The following CNTN5 variants were observed in gnomAD, a reference collection of about 807,000 sequenced individuals.
The protein encoded by CNTN5 is contactin 5.
In CNTN5, 77 loss-of-function variants were observed where a neutral mutation model predicts 129.1. That is an observed-to-expected ratio of 0.60 (90% CI 0.50 to 0.72). CNTN5 has a LOEUF of 0.72. Among genes scored for constraint, CNTN5 ranks in the 30% least tolerant of loss-of-function variants. The pLI is 0.00. For missense variants in CNTN5, 1,478 were observed against 1,328.8 expected (o/e 1.11, Z -1.75); for synonymous variants, 509 against 465.6 (o/e 1.09, Z -1.20).
At position 99,115,929 on chromosome 11, in the gene CNTN5, T is replaced by A. The variant is rs568280092; in HGVS notation, c.-210+94659T>A. On this transcript the variant is annotated intron_variant, in intron 1 of 24. Transcript: ENST00000524871. ...TAAGGGAAGATTTTAGAATGAAATG[T>A]CATTTAAATAGGCTCATTTGTGAAA... is the stretch of plus-strand genomic sequence containing the variant. 3.3e-5 allele frequency among the ~76,000 whole-genome samples: 5 copies of A among 152,272 alleles called. No homozygotes were observed. In the South Asian group the frequency reaches 1.0e-3, roughly 32 times the overall value.
chr11:100,260,695 C>T (rs1377146933), intron 17 of CNTN5, among the ~76,000 whole-genome samples: 2 of 152,034 alleles, frequency 1.3e-5, no homozygotes, highest in African/African-American at 4.8e-5. Flanking sequence ...TGACAAAAAC[C>T]ACATGATTAT....
chr11:100,358,832 G>C lies in CNTN5; in HGVS notation c.*2612G>C, dbSNP rs1952583083. ...CAGTCAAATAATAGTTCTGTGTACT[G>C]TTCTTGTAACATTAGATCTTTTTAA... On this transcript the variant is annotated 3_prime_UTR_variant, in exon 25 of 25. Coordinates refer to ENST00000524871, the MANE Select transcript of CNTN5 (RefSeq NM_014361.4). The C allele has an allele frequency of 6.6e-6, 1 of 151,826 alleles. No homozygotes were observed. The highest frequency in any genetic ancestry group is 1.5e-5 in the Non-Finnish European group (1 of 67,836). The allele number at this position is 151,826 out of a possible 1,614,324, so 9.4% of individuals were successfully genotyped here.
chr11:99,587,250 T>C (rs1280601640), intron 3 of CNTN5, among the ~76,000 whole-genome samples: 1 of 152,114 alleles, frequency 6.6e-6, no homozygotes. Flanking sequence ...CTGCACAGGA[T>C]CTCCTCATAG....
intron 2 of CNTN5, among the ~76,000 whole-genome samples, chr11:99,336,681 A>T (rs747439652): frequency 6.6e-6 from 1 of 152,060 alleles, no homozygotes; most frequent in Non-Finnish European, 1.5e-5. Context: ...CTCTACTAAA[A>T]GTACGACAAT....
intron 6 of CNTN5, among the ~76,000 whole-genome samples, chr11:99,868,026 C>G (rs560820885): frequency 3.3e-5 from 5 of 152,134 alleles, no homozygotes; most frequent in Non-Finnish European, 5.9e-5. Context: ...ACCAGCCTGA[C>G]CAACATGGAG....
chr11:99,793,502 C>A (rs1945828128), intron 3 of CNTN5, among the ~76,000 whole-genome samples: 1 of 152,100 alleles, frequency 6.6e-6, no homozygotes, highest in South Asian at 2.1e-4. Flanking sequence ...TGTTGTACTT[C>A]TAGTTCCTCT....
intron 1 of CNTN5, among the ~76,000 whole-genome samples, chr11:99,246,706 A>C (rs1419873072): frequency 4.6e-5 from 7 of 152,140 alleles, no homozygotes; most frequent in Non-Finnish European, 1.0e-4. Context: ...AGAAAGACAA[A>C]CCATCCAAAT....
chr11:99,033,981 G>A lies in CNTN5; in HGVS notation c.-210+12711G>A, dbSNP rs865949402. On this transcript the variant is annotated intron_variant, in intron 1 of 24. Transcript: ENST00000524871. ...TTATTGAGAGTTTTTAGCATGAAGC[G>A]TTGTTGAATTTTGTCAAAGGCCTTT... Among the ~76,000 whole-genome samples, 408 of 151,724 alleles carry A rather than the reference G, an allele frequency of 2.7e-3. 1 individual carries two copies. Among genetic ancestry groups the A allele is most frequent in the African/African-American group, 8.4e-3 (345 of 41,202 alleles).
chr11:100,075,851 G>A (rs895749713), intron 13 of CNTN5, among the ~76,000 whole-genome samples: 12 of 152,104 alleles, frequency 7.9e-5, no homozygotes, highest in Admixed American at 3.9e-4. Context: ...AGTTTGAAAC[G>A]GACAGATGGG....
At chr11:99,455,021 G>T (rs915950426) in intron 2 of CNTN5, among the ~76,000 whole-genome samples, 1 of 152,102 alleles carries the variant, frequency 6.6e-6, no homozygotes, top group Admixed American at 6.6e-5. Context: ...CTAAACCTTG[G>T]CAAGGGATGA....
At chr11:99,577,283 T>C (rs1178059647) in intron 3 of CNTN5, among the ~76,000 whole-genome samples, 1 of 152,164 alleles carries the variant, frequency 6.6e-6, no homozygotes, top group Non-Finnish European at 1.5e-5. Flanking sequence ...TTTGACACAT[T>C]ACAGAGATTC....
At chr11:99,733,366 C>T (rs1180923614) in intron 3 of CNTN5, among the ~76,000 whole-genome samples, 1 of 139,490 alleles carries the variant, frequency 7.2e-6, no homozygotes, top group African/African-American at 2.8e-5. Flanking sequence ...TTCTGGGGCG[C>T]CTCCTGCTGG....
At chr11:100,205,681 C>A (rs1471605811) in intron 15 of CNTN5, among the ~76,000 whole-genome samples, 17 of 75,344 alleles carry the variant, frequency 2.3e-4, no homozygotes, top group African/African-American at 9.8e-4. Flanking sequence ...TAAGAGCATA[C>A]AACAAAAAAT....
At chr11:99,828,621 T>A in intron 4 of CNTN5, among the ~76,000 whole-genome samples, 1 of 152,328 alleles carries the variant, frequency 6.6e-6, no homozygotes. Flanking sequence ...AATAGAAAGT[T>A]AATTATCAAT....
intron 3 of CNTN5, among the ~76,000 whole-genome samples, chr11:99,801,281 T>A (rs2135480150): frequency 6.6e-6 from 1 of 152,318 alleles, no homozygotes; most frequent in South Asian, 2.1e-4. Context: ...TGGCTTGTAA[T>A]GTTTCTGCTG....
At chr11:99,372,892 G>C (rs1007422741) in intron 2 of CNTN5, among the ~76,000 whole-genome samples, 1 of 152,164 alleles carries the variant, frequency 6.6e-6, no homozygotes, top group African/African-American at 2.4e-5. Context: ...TGGCATCTGA[G>C]AGATAAACCA....
chr11:99,239,740 C>G (rs1861445970), intron 1 of CNTN5, among the ~76,000 whole-genome samples: 1 of 151,954 alleles, frequency 6.6e-6, no homozygotes, highest in South Asian at 2.1e-4. Context: ...TCGAGACCAT[C>G]CTGGGTAACA....
chr11:99,631,296 T>C (rs1951338365), intron 3 of CNTN5, among the ~76,000 whole-genome samples: 1 of 152,170 alleles, frequency 6.6e-6, no homozygotes, highest in African/African-American at 2.4e-5. Context: ...TAAATAACTT[T>C]GATGTGTTTC....
intron 3 of CNTN5, among the ~76,000 whole-genome samples, chr11:99,631,717 G>GACACACAC (rs71949031): frequency 4.6e-5 from 7 of 151,284 alleles, no homozygotes; most frequent in African/African-American, 1.7e-4. Context: ...CACACACAAA[G>GACACACAC]ACACACACAT....
Sources: allele counts gnomAD v4.1 joint callset (sites outside exome capture counted in the v4.1 genomes callset), GRCh38; gene constraint gnomAD v4.1.1; transcripts MANE v1.5; gene names NCBI Gene and HGNC (gene_info 2026-07-23, HGNC 2026-07-21).